The following SSH2 variants were observed in gnomAD, a reference collection of about 807,000 sequenced individuals.
The protein encoded by SSH2 is protein phosphatase Slingshot homolog 2.
A neutral mutation model predicts 135.2 loss-of-function variants in SSH2; 37 were observed. The ratio of observed to expected loss-of-function variants is 0.27; its 90% confidence interval spans 0.21 to 0.36. The LOEUF is 0.36. Among genes scored for constraint, SSH2 ranks in the 10% least tolerant of loss-of-function variants. The pLI is 1.00. For synonymous variants in SSH2, 628 were observed against 646.2 expected, an observed-to-expected ratio of 0.97 and a Z score of 0.43; for missense variants, 1,408 against 1,765.3, an observed-to-expected ratio of 0.80 and a Z score of 3.63.
rs1165590494 is a variant in SSH2 at position 29,632,815 on chromosome 17, A to C, written c.2379T>G (p.Ile793Met). The C allele has an allele frequency of 1.9e-6, 3 of 1,614,004 alleles. No individual in the cohort carries two copies. The highest frequency in any genetic ancestry group is 2.7e-5 in the African/African-American group (2 of 74,886). Residue 793 changes from isoleucine to methionine, a missense_variant, in exon 16 of 16, where the codon ATT (isoleucine) becomes ATG (methionine). Coordinates refer to ENST00000540801, the MANE Select transcript of SSH2 (RefSeq NM_001282129.2). ...TGGGTAAGATGTCTCCTTTCAGTTG[A>C]ATCTGCCCAACTCCTTGACTGATGG... is the stretch of plus-strand genomic sequence containing the variant. ...IESISQGVGQ[I>M]QLKGDILPNP...
At chr17:29,732,046 T>A (rs528763231) in intron 3 of SSH2, among the ~76,000 whole-genome samples, 2 of 152,090 alleles carry the variant, frequency 1.3e-5, no homozygotes, top group Admixed American at 6.5e-5. Context: ...CAAAAGAGGG[T>A]AAAAGACAGC....
chr17:29,875,980 C>G (rs1207200559), intron 1 of SSH2, among the ~76,000 whole-genome samples: 1 of 100,314 alleles, frequency 1.0e-5, no homozygotes, highest in Admixed American at 1.0e-4. Context: ...TTGAAGAGGA[C>G]ACCAAAAAAA....
At chr17:29,695,597 G>A (rs934200019) in intron 4 of SSH2, 74 bp from the exon 5 acceptor site, 31 of 1,351,304 alleles carry the variant, frequency 2.3e-5, no homozygotes, top group Admixed American at 6.2e-5. Context: ...TTCTACTTTA[G>A]TGACTTTTGT....
At chr17:29,805,387 C>T (rs777708295) in intron 2 of SSH2, among the ~76,000 whole-genome samples, 5 of 151,912 alleles carry the variant, frequency 3.3e-5, no homozygotes, top group Non-Finnish European at 7.4e-5. Flanking sequence ...GAACTCCTGA[C>T]CTCGTGATCC....
In SSH2 at chr17:29,631,777, C is replaced by T. The variant is rs200802997; in HGVS notation, c.3417G>A (p.Glu1139=). ...TATGACTGACAAAAGGTGCTGCTGT[C>T]TCCAGGGCTGTGGACAGGCTGCTGC... ...DRGSSLSTAL[E]TAAPFVSHTT... The change falls in exon 16 of 16, where the codon GAG becomes GAA. Residue 1139 remains glutamate (E), a synonymous_variant. Coordinates refer to ENST00000540801, the MANE Select transcript of SSH2 (RefSeq NM_001282129.2). 1.2e-6 allele frequency: 2 copies of T among 1,614,190 alleles called. No homozygotes were observed. The highest frequency in any genetic ancestry group is 2.2e-5 in the East Asian group (1 of 44,882).
intron 9 of SSH2, among the ~76,000 whole-genome samples, chr17:29,670,584 G>A (rs1430421714): frequency 6.6e-6 from 1 of 151,990 alleles, no homozygotes. Flanking sequence ...GACCAGCCTG[G>A]TCAACATGGT....
At chr17:29,849,639 G>A (rs549655197) in intron 1 of SSH2, among the ~76,000 whole-genome samples, 35 of 151,506 alleles carry the variant, frequency 2.3e-4, no homozygotes, top group African/African-American at 7.7e-4. Context: ...TATAGCATAG[G>A]GCCTGATTAC....
chr17:29,893,214 T>C (rs1180824674), intron 1 of SSH2, among the ~76,000 whole-genome samples: 1 of 151,594 alleles, frequency 6.6e-6, no homozygotes, highest in African/African-American at 2.4e-5. Context: ...TTGCTTAGAG[T>C]CTGTGATGCC....
At chr17:29,652,595 C>G (rs903314816) in intron 12 of SSH2, among the ~76,000 whole-genome samples, 2 of 151,612 alleles carry the variant, frequency 1.3e-5, no homozygotes, top group African/African-American at 4.8e-5. Context: ...GCCTGGGTGA[C>G]AGGAAAAAAA....
chr17:29,657,574 G>GATTTT (rs1316795530), intron 11 of SSH2, among the ~76,000 whole-genome samples: 1 of 80,078 alleles, frequency 1.2e-5, no homozygotes, highest in African/African-American at 5.0e-5. Context: ...CGGCTACTTT[G>GATTTT]TTTTTTTTTT....
At position 29,684,483 on chromosome 17, in the gene SSH2, T is replaced by TTAAAA. The variant is rs1271047320; in HGVS notation, c.479+79_479+80insTTTTA. On this transcript the variant is annotated intron_variant, in intron 6 of 15. Transcript: ENST00000540801. ...CAGAGTGATGACACTCCGTCCCCAT[T>TTAAAA]AAAAAAAAAAAAAAAAAAAAGCAAC... The TTAAAA allele has an allele frequency of 7.3e-6, 7 of 956,408 alleles. 2 individuals are homozygous for TTAAAA. Among genetic ancestry groups the TTAAAA allele is most frequent in the Non-Finnish European group, 1.0e-5 (7 of 701,324 alleles). 59.2% of individuals were successfully genotyped at this position (956,408 alleles called of 1,614,324 possible).
chr17:29,636,712 G>A lies in SSH2; in HGVS notation c.1518C>T (p.Leu506=). 6.2e-7 allele frequency: 1 copy of A among 1,614,082 alleles called. No homozygotes were observed. The highest frequency in any genetic ancestry group is 8.5e-7 in the Non-Finnish European group (1 of 1,180,014). The change falls in exon 15 of 16, where the codon CTC becomes CTT. Residue 506 remains leucine (L), a synonymous_variant. Transcript: ENST00000540801. ...HEPICKPGLE[L]NKKDITTSAD... ...CTGAGGTGGTGATATCCTTCTTGTT[G>A]AGTTCTAGCCCAGGTTTGCAGATGG... is the stretch of plus-strand genomic sequence containing the variant.
At chr17:29,662,207 G>A (rs1221029504) in intron 11 of SSH2, among the ~76,000 whole-genome samples, 2 of 152,076 alleles carry the variant, frequency 1.3e-5, no homozygotes, top group Admixed American at 6.6e-5. Flanking sequence ...TGCACTGTAC[G>A]CTGGCCCAAA....
intron 1 of SSH2, among the ~76,000 whole-genome samples, chr17:29,878,512 C>T (rs1031099352): frequency 6.6e-6 from 1 of 152,074 alleles, no homozygotes; most frequent in Non-Finnish European, 1.5e-5. Context: ...TAGTGTGTGA[C>T]ACATAGTTGA....
At chr17:29,797,243 G>A (rs1463310403) in intron 2 of SSH2, among the ~76,000 whole-genome samples, 1 of 152,020 alleles carries the variant, frequency 6.6e-6, no homozygotes, top group Non-Finnish European at 1.5e-5. Context: ...TCAAGAAATG[G>A]AACATTTCCA....
At chr17:29,638,177 T>A (rs1046492081) in intron 14 of SSH2, among the ~76,000 whole-genome samples, 1 of 151,134 alleles carries the variant, frequency 6.6e-6, no homozygotes, top group Non-Finnish European at 1.5e-5. Context: ...TACTAAAAGA[T>A]GAGACACCAA....
intron 1 of SSH2, among the ~76,000 whole-genome samples, chr17:29,881,329 A>C (rs2066133743): frequency 6.6e-6 from 1 of 152,184 alleles, no homozygotes; most frequent in Admixed American, 6.5e-5. Flanking sequence ...ATCATTGGCC[A>C]CCAAAGAACA....
intron 2 of SSH2, among the ~76,000 whole-genome samples, chr17:29,809,341 AGT>A (rs1171341970): frequency 6.6e-6 from 1 of 152,212 alleles, no homozygotes; most frequent in Non-Finnish European, 1.5e-5. Context: ...ACTCCTCACC[AGT>A]GTTAGTATCA....
chr17:29,703,527 G>A (rs980143427), intron 3 of SSH2, among the ~76,000 whole-genome samples: 3 of 152,004 alleles, frequency 2.0e-5, no homozygotes, highest in African/African-American at 7.3e-5. Flanking sequence ...GAATACAGAC[G>A]TGAGCCACTG....
Sources: gnomAD v4.1 joint callset for allele counts (sites outside exome capture counted in the v4.1 genomes callset) on GRCh38, gnomAD v4.1.1 for gene constraint, MANE v1.5 for transcripts, NCBI Gene and HGNC (gene_info 2026-07-23, HGNC 2026-07-21) for gene names.